DACH1: variants seen among roughly 807,000 people sequenced by gnomAD.
DACH1 encodes dachshund family transcription factor 1, also known as dachshund homolog 1.
A neutral mutation model predicts 54.2 loss-of-function variants in DACH1; 12 were observed. That is an observed-to-expected ratio of 0.22 (90% CI 0.14 to 0.36). The LOEUF is 0.36. DACH1 is among the 10% of genes least tolerant of loss of function. The probability of loss-of-function intolerance (pLI) is 1.00; values close to 1 mark genes in which losing one functional copy is unlikely to be tolerated. For missense variants in DACH1, 805 were observed against 929.8 expected (o/e 0.87, Z 1.75); for synonymous variants, 386 against 366.2 (o/e 1.05, Z -0.62).
intron 2 of DACH1, among the ~76,000 whole-genome samples, chr13:71,635,666 TATC>T (rs1877430938): frequency 6.6e-6 from 1 of 152,172 alleles, no homozygotes; most frequent in Admixed American, 6.6e-5. Context: ...TTTCTTCACT[TATC>T]ATAGATCTTC....
intron 3 of DACH1, among the ~76,000 whole-genome samples, chr13:71,620,480 A>G (rs1876146928): frequency 6.6e-6 from 1 of 151,952 alleles, no homozygotes; most frequent in Admixed American, 6.6e-5. Context: ...TCTGAACATA[A>G]TAGGGTCATA....
chr13:71,474,200 A>G (rs1319637307), intron 10 of DACH1, among the ~76,000 whole-genome samples: 1 of 152,122 alleles, frequency 6.6e-6, no homozygotes, highest in Non-Finnish European at 1.5e-5. Flanking sequence ...CAAGTTTGTG[A>G]TTGTTACTTC....
intron 10 of DACH1, among the ~76,000 whole-genome samples, chr13:71,474,828 C>A (rs554438871): frequency 1.3e-5 from 2 of 152,286 alleles, no homozygotes; most frequent in Admixed American, 6.5e-5. Flanking sequence ...AACTTATAAA[C>A]CCTTCCTGCA....
chr13:71,585,153 A>G (rs755627865), intron 3 of DACH1, among the ~76,000 whole-genome samples: 7 of 152,186 alleles, frequency 4.6e-5, no homozygotes, highest in Non-Finnish European at 7.3e-5. Context: ...GACAAAGCAG[A>G]TGAAACTTTA....
At chr13:71,740,318 C>CA (rs149898670) in intron 1 of DACH1, among the ~76,000 whole-genome samples, 6,261 of 148,286 alleles carry the variant, frequency 0.042, 406 homozygotes, top group African/African-American at 0.14. Context: ...TAAAACAAAA[C>CA]AAAAAAAAAA....
intron 7 of DACH1, among the ~76,000 whole-genome samples, chr13:71,485,034 C>A (rs553484047): frequency 6.0e-5 from 9 of 149,406 alleles, no homozygotes; most frequent in African/African-American, 2.2e-4. Flanking sequence ...GCAGCCTGGG[C>A]GACAGAGGGA....
At chr13:71,784,763 C>T (rs1447741539) in intron 1 of DACH1, among the ~76,000 whole-genome samples, 1 of 152,024 alleles carries the variant, frequency 6.6e-6, no homozygotes, top group Non-Finnish European at 1.5e-5. Flanking sequence ...TTTTCTGATC[C>T]ATTTCTTGAC....
At chr13:71,485,589 T>C (rs1878431459) in intron 7 of DACH1, among the ~76,000 whole-genome samples, 1 of 139,404 alleles carries the variant, frequency 7.2e-6, no homozygotes, top group South Asian at 2.3e-4. Context: ...TTTTTTTTTT[T>C]TTTTTTTTTT....
chr13:71,635,898 A>G (rs1029999498), intron 2 of DACH1, among the ~76,000 whole-genome samples: 9 of 152,054 alleles, frequency 5.9e-5, no homozygotes, highest in Admixed American at 2.0e-4. Context: ...CTCCTGCCTC[A>G]GCCTCCCGAG....
intron 1 of DACH1, among the ~76,000 whole-genome samples, chr13:71,825,122 G>A (rs1228242310): frequency 6.6e-6 from 1 of 151,860 alleles, no homozygotes; most frequent in South Asian, 2.1e-4. Context: ...TATTTCAAAC[G>A]AAATAACAAA....
At chr13:71,504,519 C>A (rs926985467) in intron 6 of DACH1, among the ~76,000 whole-genome samples, 1 of 152,018 alleles carries the variant, frequency 6.6e-6, no homozygotes, top group Admixed American at 6.6e-5. Flanking sequence ...TTAGGAGGAA[C>A]TGAGGAAAGG....
At chr13:71,668,531 T>C (rs1418553152) in intron 2 of DACH1, among the ~76,000 whole-genome samples, 1 of 151,848 alleles carries the variant, frequency 6.6e-6, no homozygotes, top group Non-Finnish European at 1.5e-5. Context: ...CTATATATAA[T>C]AGACAAAAAC....
intron 1 of DACH1, among the ~76,000 whole-genome samples, chr13:71,766,533 A>C (rs1208310879): frequency 6.6e-6 from 1 of 152,128 alleles, no homozygotes; most frequent in African/African-American, 2.4e-5. Flanking sequence ...ATTTCTCCCC[A>C]TATAATTGTC....
At chr13:71,571,039 T>C (rs775857310) in intron 4 of DACH1, among the ~76,000 whole-genome samples, 2 of 152,196 alleles carry the variant, frequency 1.3e-5, no homozygotes, top group Non-Finnish European at 2.9e-5. Flanking sequence ...CTACAGGCCA[T>C]AATTTAGACA....
intron 6 of DACH1, among the ~76,000 whole-genome samples, chr13:71,517,018 A>T (rs2138271075): frequency 1.3e-5 from 2 of 151,820 alleles, no homozygotes; most frequent in East Asian, 1.9e-4. Flanking sequence ...ATGTTTTATT[A>T]ACTGTCTTTA....
chr13:71,654,757 T>A (rs964508461), intron 2 of DACH1, among the ~76,000 whole-genome samples: 1 of 152,168 alleles, frequency 6.6e-6, no homozygotes, highest in Non-Finnish European at 1.5e-5. Flanking sequence ...TTGGCCATTA[T>A]GTCACCAAAT....
chr13:71,778,105 A>C (rs1886142211), intron 1 of DACH1, among the ~76,000 whole-genome samples: 1 of 138,646 alleles, frequency 7.2e-6, no homozygotes, highest in Non-Finnish European at 1.5e-5. Context: ...TAAATAAATA[A>C]ATAAATAAAT....
chr13:71,575,419 C>A (rs1030603210), intron 3 of DACH1, among the ~76,000 whole-genome samples: 3 of 151,890 alleles, frequency 2.0e-5, no homozygotes, highest in Non-Finnish European at 2.9e-5. Flanking sequence ...CTATAATCTA[C>A]TTTTTTCTGT....
At chr13:71,501,444 C>T (rs941602332) in intron 6 of DACH1, among the ~76,000 whole-genome samples, 13 of 152,034 alleles carry the variant, frequency 8.6e-5, no homozygotes, top group African/African-American at 3.1e-4. Flanking sequence ...AAAATATACA[C>T]TGAACGTAAA....
Sources: gnomAD v4.1 joint callset for allele counts (sites outside exome capture counted in the v4.1 genomes callset) on GRCh38, gnomAD v4.1.1 for gene constraint, MANE v1.5 for transcripts, NCBI Gene and HGNC (gene_info 2026-07-23, HGNC 2026-07-21) for gene names.